The following CFAP95 variants were observed in gnomAD, a reference collection of about 807,000 sequenced individuals.
The protein encoded by CFAP95 is cilia- and flagella-associated protein 95.
the CFAP95 span, among the ~76,000 whole-genome samples, chr9:69,849,609 T>A: frequency 6.6e-6 from 1 of 152,144 alleles, no homozygotes; most frequent in East Asian, 1.9e-4. Flanking sequence ...TGCTGTGAGG[T>A]GTACCTGAAC....
chr9:69,856,015 C>T, the CFAP95 span, among the ~76,000 whole-genome samples: 1 of 152,146 alleles, frequency 6.6e-6, no homozygotes, highest in African/African-American at 2.4e-5. Context: ...GAATCCCTTA[C>T]ATCCATTTTT....
At chr9:69,871,635 C>T in the CFAP95 span, among the ~76,000 whole-genome samples, 1 of 151,102 alleles carries the variant, frequency 6.6e-6, no homozygotes. Context: ...GGGGGTAAAG[C>T]AGACTTGAGA....
chr9:69,856,564 T>C, the CFAP95 span: 15 of 1,603,032 alleles, frequency 9.4e-6, no homozygotes, highest in East Asian at 2.2e-5. Context: ...GATTTGGACA[T>C]CAGAAACACA....
At chr9:69,895,367 C>CTGTGTGTGTG in the CFAP95 span, among the ~76,000 whole-genome samples, 1,703 of 111,076 alleles carry the variant, frequency 0.015, 13 homozygotes, top group Admixed American at 0.022. Flanking sequence ...CTCTCTCTCT[C>CTGTGTGTGTG]TCTGTGTGTG....
the CFAP95 span, among the ~76,000 whole-genome samples, chr9:69,882,652 A>T: frequency 4.6e-5 from 7 of 152,186 alleles, no homozygotes; most frequent in African/African-American, 1.2e-4. Flanking sequence ...GATGTGTATT[A>T]TAAAGGGATG....
the CFAP95 span, among the ~76,000 whole-genome samples, chr9:69,878,051 A>G: frequency 1.2e-4 from 18 of 152,192 alleles, 1 homozygote; most frequent in Admixed American, 9.8e-4. Flanking sequence ...TCAATATCCT[A>G]GTTCAAGAGT....
the CFAP95 span, chr9:69,844,581 CTG>C: frequency 1.2e-6 from 2 of 1,613,330 alleles, no homozygotes; most frequent in Admixed American, 1.7e-5. Flanking sequence ...AGTTAAAAAA[CTG>C]TGTAATTCAA....
chr9:69,874,259 G>T, the CFAP95 span, among the ~76,000 whole-genome samples: 320 of 152,172 alleles, frequency 2.1e-3, 2 homozygotes, highest in African/African-American at 7.2e-3. Flanking sequence ...TTTATAATGA[G>T]AAATAAAAAT....
the CFAP95 span, among the ~76,000 whole-genome samples, chr9:69,860,015 G>T: frequency 6.6e-6 from 1 of 152,186 alleles, no homozygotes; most frequent in Non-Finnish European, 1.5e-5. Context: ...GTTGCTCTGG[G>T]TGAGTCCATG....
At chr9:69,857,843 C>T in the CFAP95 span, 10 of 1,486,036 alleles carry the variant, frequency 6.7e-6, no homozygotes, top group African/African-American at 1.2e-4. Flanking sequence ...ATTAGTTTTA[C>T]ATGGCTTTGA....
chr9:69,870,158 T>C, the CFAP95 span, among the ~76,000 whole-genome samples: 1 of 152,140 alleles, frequency 6.6e-6, no homozygotes, highest in Non-Finnish European at 1.5e-5. Flanking sequence ...CTGAGGAAAT[T>C]ACATTTGTCC....
the CFAP95 span, among the ~76,000 whole-genome samples, chr9:69,882,938 G>A: frequency 3.3e-5 from 5 of 152,054 alleles, no homozygotes; most frequent in African/African-American, 1.2e-4. Context: ...GTCTGGTTTT[G>A]GAATCAGGGT....
the CFAP95 span, among the ~76,000 whole-genome samples, chr9:69,840,436 A>G: frequency 6.6e-6 from 1 of 152,106 alleles, no homozygotes. Flanking sequence ...ACTTAATAAT[A>G]TTTTGCATTT....
the CFAP95 span, chr9:69,857,913 AC>A: frequency 1.2e-6 from 2 of 1,613,836 alleles, no homozygotes; most frequent in Non-Finnish European, 1.7e-6. Flanking sequence ...TTTTAGGGTC[AC>A]CGGATTGCCT....
the CFAP95 span, among the ~76,000 whole-genome samples, chr9:69,892,583 G>A: frequency 0.39 from 59,929 of 152,016 alleles, 12,743 homozygotes; most frequent in Middle Eastern, 0.68. Context: ...TCCAGTGAGG[G>A]TCACATCCTC....
chr9:69,899,379 C>T, the CFAP95 span, among the ~76,000 whole-genome samples: 3 of 152,214 alleles, frequency 2.0e-5, no homozygotes, highest in Non-Finnish European at 2.9e-5. Flanking sequence ...CTGGAGCCCA[C>T]CACCAGTGGG....
the CFAP95 span, among the ~76,000 whole-genome samples, chr9:69,862,674 A>C: frequency 6.6e-6 from 1 of 152,228 alleles, no homozygotes; most frequent in African/African-American, 2.4e-5. Flanking sequence ...TTACCTGTTA[A>C]GGGAGAAAAA....
At chr9:69,895,112 G>A in the CFAP95 span, among the ~76,000 whole-genome samples, 1 of 152,086 alleles carries the variant, frequency 6.6e-6, no homozygotes, top group South Asian at 2.1e-4. Context: ...TGTTGTTGTG[G>A]AGGTCTTTTG....
chr9:69,860,703 C>G, the CFAP95 span, among the ~76,000 whole-genome samples: 1 of 151,356 alleles, frequency 6.6e-6, no homozygotes, highest in Non-Finnish European at 1.5e-5. Flanking sequence ...TCTTTATATC[C>G]CTATTCTGTA....
Sources: allele counts gnomAD v4.1 joint callset (sites outside exome capture counted in the v4.1 genomes callset), GRCh38; gene constraint gnomAD v4.1.1; transcripts MANE v1.5; gene names NCBI Gene and HGNC (gene_info 2026-07-23, HGNC 2026-07-21).